The following WDR64 variants were observed in gnomAD, a reference collection of about 807,000 sequenced individuals.
WDR64 encodes WD repeat domain 64.
WDR64 carries 112 observed loss-of-function variants against 139.3 expected under a neutral mutation model. The observed-to-expected ratio is 0.80, with a 90% confidence interval of 0.69 to 0.94. The LOEUF is 0.94. Ranked by LOEUF, WDR64 falls within the 40% of genes least tolerant of loss-of-function variation. The probability of loss-of-function intolerance (pLI) is 0.00; values close to 1 mark genes in which losing one functional copy is unlikely to be tolerated. For missense variants in WDR64, 1,206 were observed against 1,293.1 expected, an observed-to-expected ratio of 0.93 and a Z score of 1.03; for synonymous variants, 444 against 437.7, an observed-to-expected ratio of 1.01 and a Z score of -0.18.
At chr1:241,689,217 A>C (rs1373630244) in intron 8 of WDR64, among the ~76,000 whole-genome samples, 1 of 152,182 alleles carries the variant, frequency 6.6e-6, no homozygotes, top group Non-Finnish European at 1.5e-5. Context: ...TATTTATAGC[A>C]GTTCCCTTTA....
chr1:241,775,834 T>G (rs1658638310), intron 21 of WDR64, among the ~76,000 whole-genome samples: 1 of 152,124 alleles, frequency 6.6e-6, no homozygotes, highest in African/African-American at 2.4e-5. Flanking sequence ...GTCAAAACAA[T>G]TAGTTAGAAT....
intron 3 of WDR64, among the ~76,000 whole-genome samples, chr1:241,673,775 C>A (rs970286945): frequency 4.6e-5 from 7 of 151,814 alleles, no homozygotes; most frequent in Admixed American, 4.6e-4. Context: ...ATATATATGG[C>A]TTTATCATTC....
At position 241,660,580 on chromosome 1, in the gene WDR64, C is replaced by T. The variant is rs776085437; in HGVS notation, c.196C>T (p.Pro66Ser). Reference protein sequence around the residue: ...FYASVQKLFGPDVKNQDVKRF... With the variant: ...FYASVQKLFGSDVKNQDVKRF... Reference sequence around the variant, plus strand: ...TGCATCGGTACAGAAGCTCTTTGGTCCAGATGTGAAGAATCAAGATGTGAA... The same window carrying T: ...TGCATCGGTACAGAAGCTCTTTGGTTCAGATGTGAAGAATCAAGATGTGAA... Residue 66 changes from proline to serine, a missense_variant, in exon 2 of 28, where the codon CCA becomes TCA. Coordinates refer to ENST00000437684, the MANE Select transcript of WDR64 (RefSeq NM_001367482.1). 11 of 1,551,564 alleles carry T rather than the reference C, an allele frequency of 7.1e-6. No homozygotes were observed. The highest frequency in any genetic ancestry group is 8.7e-6 in the Non-Finnish European group (10 of 1,146,870).
intron 2 of WDR64, 56 bp downstream of exon 2, chr1:241,660,716 G>T (rs1354570334): frequency 2.0e-6 from 3 of 1,532,674 alleles, no homozygotes; most frequent in Non-Finnish European, 2.6e-6. Flanking sequence ...TCTAAGTTTG[G>T]AATAAATAAT....
chr1:241,714,381 A>C (rs1668320097), intron 9 of WDR64, among the ~76,000 whole-genome samples: 1 of 152,216 alleles, frequency 6.6e-6, no homozygotes, highest in African/African-American at 2.4e-5. Flanking sequence ...ATATCTATTA[A>C]AGGAGCCATG....
intron 27 of WDR64, among the ~76,000 whole-genome samples, chr1:241,799,759 G>A (rs1041398580): frequency 6.6e-6 from 1 of 152,058 alleles, no homozygotes; most frequent in African/African-American, 2.4e-5. Flanking sequence ...GGTCTCTCCT[G>A]GTCAGAATAA....
intron 8 of WDR64, among the ~76,000 whole-genome samples, chr1:241,710,861 T>C (rs1668134872): frequency 6.6e-6 from 1 of 152,120 alleles, no homozygotes; most frequent in Admixed American, 6.5e-5. Flanking sequence ...AGTGATGTGA[T>C]CTAATTCATA....
chr1:241,739,400 A>C (rs1231534538), intron 11 of WDR64, among the ~76,000 whole-genome samples: 4 of 152,162 alleles, frequency 2.6e-5, no homozygotes, highest in African/African-American at 9.7e-5. Context: ...GGTTGGTGCT[A>C]TCTCTGCTGG....
chr1:241,793,104 T>C (rs1034636260), intron 25 of WDR64, among the ~76,000 whole-genome samples: 3 of 152,208 alleles, frequency 2.0e-5, no homozygotes, highest in African/African-American at 4.8e-5. Context: ...GAAGCAACTA[T>C]TGAATGAGAA....
At chr1:241,720,804 T>C (rs991781160) in intron 9 of WDR64, among the ~76,000 whole-genome samples, 1 of 152,196 alleles carries the variant, frequency 6.6e-6, no homozygotes, top group East Asian at 1.9e-4. Flanking sequence ...CTTAATTAGA[T>C]CCCATTTGTC....
chr1:241,763,375 A>G (rs964178666), intron 15 of WDR64, among the ~76,000 whole-genome samples: 6 of 152,192 alleles, frequency 3.9e-5, no homozygotes, highest in African/African-American at 9.6e-5. Flanking sequence ...TCATTATAGC[A>G]CTTCCTTTTT....
rs574147923 is a variant in WDR64, at chr1:241,701,460, T to C, written c.975-10342T>C. The stretch of plus-strand genomic sequence containing the variant: ...CCACAGGTTTGGTACTCAGTCATTG[T>C]GAACACTTAGATTATCTAGAAGGTT... On this transcript the variant is annotated intron_variant, in intron 8 of 27. Transcript: ENST00000437684. Among the ~76,000 whole-genome samples the C allele has an allele frequency of 9.2e-5, 14 of 152,390 alleles. No individual in the cohort carries two copies. In the South Asian group the frequency reaches 2.9e-3, roughly 32 times the overall value.
chr1:241,795,850 A>G (rs1380983484), intron 26 of WDR64, among the ~76,000 whole-genome samples: 1 of 152,226 alleles, frequency 6.6e-6, no homozygotes, highest in East Asian at 1.9e-4. Context: ...AAATTAACTT[A>G]TATCTTAGAT....
intron 26 of WDR64, among the ~76,000 whole-genome samples, chr1:241,795,702 G>A (rs1659343619): frequency 6.6e-6 from 1 of 151,946 alleles, no homozygotes; most frequent in Non-Finnish European, 1.5e-5. Flanking sequence ...TGCCCGTGCT[G>A]CCCCCCTGCC....
At chr1:241,686,609 A>G (rs2148115861) in intron 7 of WDR64, among the ~76,000 whole-genome samples, 1 of 152,332 alleles carries the variant, frequency 6.6e-6, no homozygotes, top group South Asian at 2.1e-4. Flanking sequence ...ATATAACACC[A>G]TGAAGACAGA....
At chr1:241,664,688 T>C (rs1665963611) in intron 2 of WDR64, among the ~76,000 whole-genome samples, 1 of 152,238 alleles carries the variant, frequency 6.6e-6, no homozygotes, top group Non-Finnish European at 1.5e-5. Flanking sequence ...CCTTCATTTG[T>C]AAAATGTCTT....
At chr1:241,750,125 C>T (rs1364559034) in intron 14 of WDR64, among the ~76,000 whole-genome samples, 1 of 152,156 alleles carries the variant, frequency 6.6e-6, no homozygotes, top group Non-Finnish European at 1.5e-5. Context: ...GTCACTTTTC[C>T]AGTTTGTCAC....
intron 21 of WDR64, among the ~76,000 whole-genome samples, chr1:241,776,910 T>C (rs1053356691): frequency 2.0e-5 from 3 of 152,178 alleles, no homozygotes; most frequent in Admixed American, 6.5e-5. Flanking sequence ...ATCCAGAAAA[T>C]AGAGTGGGTT....
intron 14 of WDR64, among the ~76,000 whole-genome samples, chr1:241,750,462 T>C (rs1167158594): frequency 6.6e-6 from 1 of 152,220 alleles, no homozygotes; most frequent in Non-Finnish European, 1.5e-5. Flanking sequence ...GTGAAAAACC[T>C]GCCTGATGTA....
Sources: allele counts gnomAD v4.1 joint callset (sites outside exome capture counted in the v4.1 genomes callset), GRCh38; gene constraint gnomAD v4.1.1; transcripts MANE v1.5; gene names NCBI Gene and HGNC (gene_info 2026-07-23, HGNC 2026-07-21).